DLGAP1: variants seen among roughly 807,000 people sequenced by gnomAD.
DLGAP1 encodes the protein DLG associated protein 1.
In DLGAP1, 11 loss-of-function variants were observed where a neutral mutation model predicts 90.8. The ratio of observed to expected loss-of-function variants is 0.12; its 90% CI spans 0.08 to 0.20. DLGAP1 has a LOEUF of 0.20. DLGAP1 is among the 10% of genes least tolerant of loss of function. The probability of loss-of-function intolerance (pLI) is 1.00; values close to 1 mark genes in which losing one functional copy is unlikely to be tolerated. For missense variants in DLGAP1, 1,050 were observed against 1,333.8 expected, an observed-to-expected ratio of 0.79 and a Z score of 3.31; for synonymous variants, 558 against 540.7, an observed-to-expected ratio of 1.03 and a Z score of -0.44.
chr18:3,932,528 A>G (rs187453001), intron 3 of DLGAP1, among the ~76,000 whole-genome samples: 49 of 152,300 alleles, frequency 3.2e-4, no homozygotes, highest in Non-Finnish European at 2.2e-4. Context: ...CAGAAGCCAA[A>G]TCTACCTCCT....
intron 2 of DLGAP1, among the ~76,000 whole-genome samples, chr18:4,042,085 G>C (rs970096974): frequency 6.6e-6 from 1 of 152,148 alleles, no homozygotes; most frequent in African/African-American, 2.4e-5. Context: ...AAGAGCAACA[G>C]AAGAAATACA....
chr18:3,575,210 A>G (rs1260620107), intron 8 of DLGAP1, among the ~76,000 whole-genome samples: 1 of 152,168 alleles, frequency 6.6e-6, no homozygotes, highest in Non-Finnish European at 1.5e-5. Flanking sequence ...AGTTGGACTT[A>G]TTTCTTCACA....
At chr18:4,139,063 T>C (rs1169558498) in intron 2 of DLGAP1, among the ~76,000 whole-genome samples, 3 of 151,988 alleles carry the variant, frequency 2.0e-5, no homozygotes, top group Non-Finnish European at 4.4e-5. Flanking sequence ...ATTGATTTTG[T>C]TTATATTTTT....
intron 3 of DLGAP1, among the ~76,000 whole-genome samples, chr18:3,953,906 C>T (rs1486557370): frequency 2.6e-5 from 4 of 152,160 alleles, no homozygotes; most frequent in African/African-American, 9.7e-5. Flanking sequence ...GAAAAAATGG[C>T]CGGAGAGATT....
chr18:4,097,688 T>G (rs2143830590), intron 2 of DLGAP1, among the ~76,000 whole-genome samples: 1 of 152,354 alleles, frequency 6.6e-6, no homozygotes, highest in Non-Finnish European at 1.5e-5. Flanking sequence ...AACAATTTTC[T>G]TGGTTCTACT....
intron 2 of DLGAP1, among the ~76,000 whole-genome samples, chr18:4,040,892 A>G (rs2074964100): frequency 6.6e-6 from 1 of 152,224 alleles, no homozygotes; most frequent in Non-Finnish European, 1.5e-5. Context: ...GGCTGAAAGT[A>G]CTCACACACG....
intron 9 of DLGAP1, among the ~76,000 whole-genome samples, chr18:3,537,046 A>C (rs1480535163): frequency 6.6e-6 from 1 of 151,968 alleles, no homozygotes; most frequent in East Asian, 1.9e-4. Context: ...TTTTTTTTAA[A>C]GTCGCTTCCT....
intron 7 of DLGAP1, among the ~76,000 whole-genome samples, chr18:3,684,610 A>G (rs144378585): frequency 6.6e-6 from 1 of 152,308 alleles, no homozygotes; most frequent in African/African-American, 2.4e-5. Context: ...TACTATTCCA[A>G]TGCTATAGGA....
At chr18:3,610,383 A>G (rs911893579) in intron 7 of DLGAP1, among the ~76,000 whole-genome samples, 2 of 152,014 alleles carry the variant, frequency 1.3e-5, no homozygotes, top group Non-Finnish European at 2.9e-5. Context: ...AATGTGACAG[A>G]GAAACACTTA....
intron 1 of DLGAP1, among the ~76,000 whole-genome samples, chr18:4,279,398 T>C (rs2079496467): frequency 1.3e-5 from 2 of 152,248 alleles, no homozygotes; most frequent in East Asian, 1.9e-4. Flanking sequence ...TAATATGTTT[T>C]TGCAGTGATT....
At chr18:3,710,947 G>A (rs575235149) in intron 7 of DLGAP1, among the ~76,000 whole-genome samples, 1 of 152,316 alleles carries the variant, frequency 6.6e-6, no homozygotes, top group East Asian at 1.9e-4. Context: ...TGTCTAATAA[G>A]TAACAGGTGT....
At chr18:4,062,260 A>T (rs2075309727) in intron 2 of DLGAP1, among the ~76,000 whole-genome samples, 1 of 152,156 alleles carries the variant, frequency 6.6e-6, no homozygotes, top group Non-Finnish European at 1.5e-5. Context: ...AACAGGACAC[A>T]ATTGGAGAAA....
chr18:4,289,523 T>C (rs2079793106), intron 1 of DLGAP1, among the ~76,000 whole-genome samples: 1 of 152,196 alleles, frequency 6.6e-6, no homozygotes, highest in Non-Finnish European at 1.5e-5. Context: ...TCCATGTGAA[T>C]ACCCAAAGTA....
chr18:3,880,084 GC>G lies in DLGAP1; in HGVS notation c.-17del, dbSNP rs1393098185. The G allele has an allele frequency of 3.1e-6, 5 of 1,595,760 alleles. No individual in the cohort carries two copies. The African/African-American group carries it at 6.7e-5, about 21-fold the overall frequency. ...GCCCTTTCATGGCGGACCGGAAGCA[GC>G]CGCCAGGGTCATGGACACCCGGAAG... On this transcript the variant is annotated 5_prime_UTR_variant, in exon 4 of 13. Transcript: ENST00000315677.
chr18:3,783,555 A>G (rs981807354), intron 5 of DLGAP1, among the ~76,000 whole-genome samples: 1 of 152,220 alleles, frequency 6.6e-6, no homozygotes, highest in Non-Finnish European at 1.5e-5. Flanking sequence ...ACATGTGCAA[A>G]ATGTCCAGAA....
At chr18:4,045,929 C>T (rs1353388826) in intron 2 of DLGAP1, among the ~76,000 whole-genome samples, 1 of 151,838 alleles carries the variant, frequency 6.6e-6, no homozygotes, top group East Asian at 1.9e-4. Flanking sequence ...TGTGAGCCAC[C>T]TTATCTGGCT....
intron 1 of DLGAP1, among the ~76,000 whole-genome samples, chr18:4,418,513 TA>T (rs146378600): frequency 0.017 from 2,630 of 152,152 alleles, 38 homozygotes; most frequent in Non-Finnish European, 0.025. Context: ...CCAGAAACTA[TA>T]AAAAAATCAA....
At chr18:3,598,786 G>A (rs528243275) in intron 7 of DLGAP1, among the ~76,000 whole-genome samples, 54 of 143,394 alleles carry the variant, frequency 3.8e-4, no homozygotes, top group African/African-American at 1.3e-3. Flanking sequence ...TACTCCTTAA[G>A]TGTCCCTTAA....
At chr18:4,420,032 A>C (rs1008345798) in intron 1 of DLGAP1, among the ~76,000 whole-genome samples, 9 of 152,152 alleles carry the variant, frequency 5.9e-5, no homozygotes, top group African/African-American at 1.9e-4. Context: ...TAACCCAAGA[A>C]AGCAAGGGTA....
Sources: allele counts gnomAD v4.1 joint callset (sites outside exome capture counted in the v4.1 genomes callset), GRCh38; gene constraint gnomAD v4.1.1; transcripts MANE v1.5; gene names NCBI Gene and HGNC (gene_info 2026-07-23, HGNC 2026-07-21).